Variants in BMS1 observed in about 807,000 individuals in gnomAD.
The protein encoded by BMS1 is BMS1 ribosome biogenesis factor.
Under a neutral mutation model 138.7 loss-of-function variants are expected in BMS1, and 53 were observed. That is an observed-to-expected ratio of 0.38 (90% CI 0.31 to 0.48). The LOEUF (loss-of-function observed/expected upper bound fraction) is 0.48. Among genes scored for constraint, BMS1 ranks in the 20% least tolerant of loss-of-function variants. The pLI, the probability that BMS1 is intolerant of heterozygous loss-of-function variation, is 0.97. For missense variants in BMS1, 1,360 were observed against 1,565.5 expected, an observed-to-expected ratio of 0.87 and a Z score of 2.22; for synonymous variants, 504 against 539.9, an observed-to-expected ratio of 0.93 and a Z score of 0.92.
chr10:42,824,342 G>C (rs992510288), intron 21 of BMS1, among the ~76,000 whole-genome samples: 9 of 152,194 alleles, frequency 5.9e-5, no homozygotes, highest in African/African-American at 1.9e-4. Flanking sequence ...TTGTTTTTCT[G>C]CTATTAAGTT....
chr10:42,820,716 G>C (rs2419105), intron 17 of BMS1, 28 bp downstream of exon 17: 1 of 1,604,806 alleles, frequency 6.2e-7, no homozygotes, highest in East Asian at 2.2e-5. Context: ...TAACTTGCCT[G>C]TTGCCAAGAT....
At chr10:42,786,603 T>C (rs568226339) in intron 3 of BMS1, among the ~76,000 whole-genome samples, 84 of 151,516 alleles carry the variant, frequency 5.5e-4, no homozygotes, top group African/African-American at 1.9e-3. Context: ...TTTTTTTTTT[T>C]CTGTAGAGAT....
chr10:42,826,954 G>A (rs545382127), intron 21 of BMS1, among the ~76,000 whole-genome samples: 2 of 152,318 alleles, frequency 1.3e-5, no homozygotes, highest in South Asian at 4.1e-4. Context: ...TGCATGCTGT[G>A]ATGTGGACAT....
At chr10:42,783,561 C>G (rs74720648) in intron 1 of BMS1, among the ~76,000 whole-genome samples, 1 of 146,624 alleles carries the variant, frequency 6.8e-6, no homozygotes, top group African/African-American at 2.5e-5. Context: ...TCCTGCTCCG[C>G]TTTTTTTTTT....
chr10:42,826,810 G>GT (rs1380677703), intron 21 of BMS1, among the ~76,000 whole-genome samples: 1 of 152,196 alleles, frequency 6.6e-6, no homozygotes. Context: ...GCAGTGGGGA[G>GT]TGTGACTGCT....
At chr10:42,829,973 T>C (rs1202205952) in intron 21 of BMS1, among the ~76,000 whole-genome samples, 5 of 152,210 alleles carry the variant, frequency 3.3e-5, no homozygotes, top group African/African-American at 1.2e-4. Flanking sequence ...TCTATTCATC[T>C]GTTCTGTTGA....
intron 13 of BMS1, among the ~76,000 whole-genome samples, chr10:42,810,438 T>TTTTTG (rs763605538): frequency 4.9e-4 from 75 of 152,274 alleles, no homozygotes; most frequent in Non-Finnish European, 8.7e-4. Flanking sequence ...TCTGTGAGTT[T>TTTTTG]TTTTGTTTTG....
rs1315322346 is a variant in BMS1 at position 42,830,427 on chromosome 10, T to C, written c.3618+5T>C. 2 of 1,606,234 alleles carry C rather than the reference T, an allele frequency of 1.2e-6. No homozygotes were observed. Among genetic ancestry groups the C allele is most frequent in the East Asian group, 2.2e-5 (1 of 44,846 alleles). ...CGCGAGCCTCATGAAAGAAAGGTAC[T>C]GTTGCCCATGCTGTACTGCACGCTG... On this transcript the variant is annotated splice_donor_5th_base_variant and intron_variant, in intron 22 of 22. Coordinates refer to ENST00000374518, the MANE Select transcript of BMS1 (RefSeq NM_014753.4).
At chr10:42,783,689 T>C (rs1320992973) in intron 1 of BMS1, among the ~76,000 whole-genome samples, 1 of 152,146 alleles carries the variant, frequency 6.6e-6, no homozygotes, top group Non-Finnish European at 1.5e-5. Flanking sequence ...GAAGGGTCTC[T>C]GTAAGTTCAT....
intron 21 of BMS1, among the ~76,000 whole-genome samples, chr10:42,827,418 A>G (rs986048919): frequency 6.6e-6 from 1 of 152,214 alleles, no homozygotes; most frequent in African/African-American, 2.4e-5. Flanking sequence ...GGTGGGGGTG[A>G]TATAGAGCAA....
At chr10:42,812,927 G>A (rs185188950) in intron 13 of BMS1, among the ~76,000 whole-genome samples, 43 of 152,342 alleles carry the variant, frequency 2.8e-4, no homozygotes, top group African/African-American at 9.6e-4. Flanking sequence ...GGGTGGCGGG[G>A]TAGGGGGTGT....
Position 42,817,470 on chromosome 10 carries a change from A to G in BMS1, c.2556A>G (p.Lys852=). Reference sequence around the variant, plus strand: ...AAAGCACATATTTTGATGATCTTAAAGGAGAAATGCAGAAACAAGCACAGG... The same window carrying G: ...AAAGCACATATTTTGATGATCTTAAGGGAGAAATGCAGAAACAAGCACAGG... ...EGESTYFDDL[K]GEMQKQAQLN... is the part of the protein sequence containing the mutation. The change falls in exon 15 of 23, where the codon AAA becomes AAG. Residue 852 remains lysine (K), a synonymous_variant. Transcript: ENST00000374518. 1.9e-6 allele frequency: 3 copies of G among 1,603,500 alleles called. No homozygotes were observed. In the South Asian group the frequency reaches 3.4e-5, roughly 18 times the overall value.
At chr10:42,812,535 C>A (rs1462645067) in intron 13 of BMS1, among the ~76,000 whole-genome samples, 1 of 152,224 alleles carries the variant, frequency 6.6e-6, no homozygotes, top group African/African-American at 2.4e-5. Context: ...GTTACGGTCA[C>A]TTCCTTTTCA....
At position 42,796,918 on chromosome 10, in the gene BMS1, T is replaced by C. The variant is rs767774070; in HGVS notation, c.1674T>C (p.Ser558=). The stretch of plus-strand genomic sequence containing the variant: ...GGCTGTCACCAGCTAATTGCCAGAG[T>C]GACCGTGTGAATCTGGAGAAGTCTT... The part of the protein sequence containing the change: ...KAGLSPANCQ[S]DRVNLEKSLL... Residue 558 remains serine, a synonymous_variant, in exon 10 of 23, where the codon AGT becomes AGC. Coordinates refer to ENST00000374518, the MANE Select transcript of BMS1 (RefSeq NM_014753.4). 5.9e-5 allele frequency: 95 copies of C among 1,613,996 alleles called. No individual in the cohort carries two copies. In the Admixed American group the frequency reaches 1.6e-3, roughly 27 times the overall value.
chr10:42,818,661 G>T (rs1056485371), intron 15 of BMS1, among the ~76,000 whole-genome samples: 1 of 152,192 alleles, frequency 6.6e-6, no homozygotes, highest in African/African-American at 2.4e-5. Flanking sequence ...GTTTGGTTCG[G>T]CTGGGTATCA....
Position 42,793,850 on chromosome 10 carries a change from A to C in BMS1, c.1090-2A>C. On this transcript the variant is annotated splice_acceptor_variant, in intron 8 of 22. Transcript: ENST00000374518. LOFTEE classifies it high-confidence loss of function. Reference sequence around the variant, plus strand: ...CGTGCCCTTTCTTGGTGGTCTTGACAGGATGAAGTGGGGCCCACCCATGAG... The same window carrying C: ...CGTGCCCTTTCTTGGTGGTCTTGACCGGATGAAGTGGGGCCCACCCATGAG... The C allele has an allele frequency of 6.2e-7, 1 of 1,610,454 alleles. No individual in the cohort carries two copies. The highest frequency in any genetic ancestry group is 8.5e-7 in the Non-Finnish European group (1 of 1,179,350).
At chr10:42,801,935 C>G (rs1310146854) in intron 12 of BMS1, among the ~76,000 whole-genome samples, 1 of 152,050 alleles carries the variant, frequency 6.6e-6, no homozygotes, top group Non-Finnish European at 1.5e-5. Context: ...AATACTTTCC[C>G]TGTCTGCTGC....
chr10:42,816,526 G>A, intron 13 of BMS1, 73 bp from the exon 14 acceptor site: 1 of 1,254,662 alleles, frequency 8.0e-7, no homozygotes, highest in Non-Finnish European at 1.1e-6. Flanking sequence ...CACACTGTGG[G>A]CCTGTGGTAG....
intron 2 of BMS1, among the ~76,000 whole-genome samples, chr10:42,784,952 TAGC>T (rs1384570730): frequency 6.6e-6 from 1 of 152,228 alleles, no homozygotes; most frequent in Non-Finnish European, 1.5e-5. Context: ...GTGATATGCC[TAGC>T]AGTGTACTTT....
Sources: gnomAD v4.1 joint callset for allele counts (sites outside exome capture counted in the v4.1 genomes callset) on GRCh38, gnomAD v4.1.1 for gene constraint, MANE v1.5 for transcripts, NCBI Gene and HGNC (gene_info 2026-07-23, HGNC 2026-07-21) for gene names.